MUC4: variants seen among roughly 807,000 people sequenced by gnomAD.
MUC4 encodes mucin 4, cell surface associated.
In MUC4, 202 loss-of-function variants were observed where a neutral mutation model predicts 257.9. That is an observed-to-expected ratio of 0.78 (90% CI 0.70 to 0.88). The LOEUF (loss-of-function observed/expected upper bound fraction) is 0.88. Among genes scored for constraint, MUC4 ranks in the 40% least tolerant of loss-of-function variants. The pLI, the probability that MUC4 is intolerant of heterozygous loss-of-function variation, is 0.00. For synonymous variants in MUC4, 2,351 were observed against 2,757.1 expected (o/e 0.85, Z 4.62); for missense variants, 5,976 against 6,513.7 (o/e 0.92, Z 2.84).
At position 195,764,112 on chromosome 3, in the gene MUC4, G is replaced by A; in HGVS notation, c.13977C>T (p.Tyr4659=). 1.2e-6 allele frequency: 2 copies of A among 1,602,216 alleles called. No homozygotes were observed. The highest frequency in any genetic ancestry group is 1.7e-6 in the Non-Finnish European group (2 of 1,174,930). Residue 4659 remains tyrosine, a synonymous_variant, in exon 11 of 25, where the codon TAC becomes TAT. Coordinates refer to ENST00000463781, the MANE Select transcript of MUC4 (RefSeq NM_018406.7). ...GCCTCTGCTGGTACAGGGCACAGAG[G>A]TAGGGCTTGTCATTCCAGCGGCAGC... ...SWCCRWNDKP[Y]LCALYQQRRP... is the part of the protein sequence containing the mutation.
In MUC4 at chr3:195,747,021, A is replaced by G. The variant is rs1715165494; in HGVS notation, c.*155T>C. On this transcript the variant is annotated 3_prime_UTR_variant, in exon 25 of 25. Transcript: ENST00000463781. ...GTGCACCTGCGCCTATGGATAAGGT[A>G]TAGTCTTGTCTTGATTCCCAGTATT... The G allele has an allele frequency of 5.5e-6, 6 of 1,093,978 alleles. No homozygotes were observed. Among genetic ancestry groups the G allele is most frequent in the South Asian group, 1.5e-5 (1 of 64,920 alleles). The allele number at this position is 1,093,978 out of a possible 1,614,324, so 67.8% of individuals were successfully genotyped here.
intron 16 of MUC4, 36 bp downstream of exon 16, chr3:195,760,848 C>A: frequency 1.9e-6 from 3 of 1,583,572 alleles, no homozygotes; most frequent in Non-Finnish European, 2.6e-6. Flanking sequence ...CTGCTCCCGA[C>A]TCTGAAAAGG....
chr3:195,761,376 G>T, intron 15 of MUC4, 108 bp downstream of exon 15: 1 of 995,776 alleles, frequency 1.0e-6, no homozygotes, highest in South Asian at 1.5e-5. Flanking sequence ...AGATTCCTCA[G>T]ACCTTAGGGA....
Position 195,748,959 on chromosome 3 carries a change from C to G in MUC4, c.15977G>C (p.Arg5326Thr). The G allele has an allele frequency of 6.2e-7, 1 of 1,607,822 alleles. No homozygotes were observed. Among genetic ancestry groups the G allele is most frequent in the Non-Finnish European group, 8.5e-7 (1 of 1,177,192 alleles). ...SGFTCVSPCS[R>T]GYCDHGGQCQ... is the part of the protein sequence containing the mutation. The stretch of plus-strand genomic sequence containing the variant: ...CTGGCCTCCATGGTCACAGTAGCCC[C>G]TACTGCACGGGGACACGCAGGTGAA... The change falls in exon 24 of 25, where the codon AGG (arginine) becomes ACG (threonine). Residue 5326 changes from arginine (R) to threonine (T), a missense_variant. Physicochemically the swap from Arg to Thr is moderately conservative, Grantham distance 71. Around this residue, in one of 44 missense-constraint regions of MUC4, gnomAD observed 310 missense variants for 242.1 expected, o/e 1.28. Transcript: ENST00000463781.
chr3:195,790,350 T>G lies in MUC4; in HGVS notation c.1230A>C (p.Thr410=), dbSNP rs1431406721. Reference sequence around the variant, plus strand: ...AAATGGTTCCACTTACAGATAGTGATGTCTCCTCTGTGTTTCCAAGAGTAG... The same window carrying G: ...AAATGGTTCCACTTACAGATAGTGAGGTCTCCTCTGTGTTTCCAAGAGTAG... The part of the protein sequence containing the change: ...RDSTLGNTEE[T]SLSVSGTISA... Residue 410 remains threonine (T), a synonymous_variant, in exon 2 of 25, where the codon ACA becomes ACC. Transcript: ENST00000463781. The G allele has an allele frequency of 1.9e-6, 3 of 1,613,792 alleles. No individual in the cohort carries two copies. The African/African-American group carries it at 4.0e-5, about 22-fold the overall frequency.
At chr3:195,753,987 C>T in intron 19 of MUC4, 1 of 533,858 alleles carries the variant, frequency 1.9e-6, no homozygotes, top group Non-Finnish European at 3.1e-6. Context: ...AACCTCTTCT[C>T]CTTCAGCCCC....
Position 195,757,229 on chromosome 3 carries a change from G to A in MUC4, c.15086C>T (p.Pro5029Leu). 1 of 1,613,774 alleles carries A rather than the reference G, an allele frequency of 6.2e-7. No homozygotes were observed. Among genetic ancestry groups the A allele is most frequent in the Non-Finnish European group, 8.5e-7 (1 of 1,179,680 alleles). The change falls in exon 18 of 25, where the codon CCC becomes CTC. Residue 5029 changes from proline to leucine, a missense_variant. Pro to Leu is a moderately conservative substitution (Grantham distance 98, BLOSUM62 -3). Transcript: ENST00000463781. The surrounding 1 kb of genome is among the most constrained non-coding windows in gnomAD (Gnocchi z 4.8). ...AKIGLASALQ[P>L]RTVVCHCNAE... ...ATTGCAATGGCAGACCACAGTCCTG[G>A]GCTGGAGTGCAGATGCCAAGCCAAT...
chr3:195,754,369 C>T lies in MUC4; in HGVS notation c.15172G>A (p.Ala5058Thr). ...SRVGNSSLEVAGCKCDGGTFG... is the reference protein window; with the variant it reads ...SRVGNSSLEVTGCKCDGGTFG... The stretch of plus-strand genomic sequence containing the variant: ...GTGCCCCCGTCACACTTGCAGCCAG[C>T]CACCTGGAGGAGGGTTGCCGATCAC... The change falls in exon 19 of 25, where the codon GCT becomes ACT. Residue 5058 changes from alanine (A) to threonine (T), a missense_variant. Physicochemically the swap from Ala to Thr is moderately conservative, Grantham distance 58. This residue lies in a region of MUC4 where 996 missense variants were observed against 1,137.3 expected (regional missense o/e 0.88). Transcript: ENST00000463781. The T allele has an allele frequency of 6.2e-7, 1 of 1,605,700 alleles. No homozygotes were observed. Among genetic ancestry groups the T allele is most frequent in the Non-Finnish European group, 8.5e-7 (1 of 1,176,070 alleles).
At chr3:195,769,658 G>C (rs1470334758) in intron 6 of MUC4, 2 of 163,310 alleles carry the variant, frequency 1.2e-5, no homozygotes, top group African/African-American at 4.8e-5. Flanking sequence ...AGTGACTTTA[G>C]ACCAGGCATA....
chr3:195,760,369 G>A (rs1049810697), intron 16 of MUC4, among the ~76,000 whole-genome samples: 2 of 152,176 alleles, frequency 1.3e-5, no homozygotes, highest in South Asian at 4.1e-4. Context: ...GGTATTCCAG[G>A]CAAGAGAACA....
intron 4 of MUC4, 24 bp from the exon 5 acceptor site, chr3:195,771,840 A>G: frequency 6.2e-7 from 1 of 1,610,082 alleles, no homozygotes; most frequent in Non-Finnish European, 8.5e-7. Flanking sequence ...TTTTGTGGTC[A>G]GCATTCAGGG....
intron 1 of MUC4, among the ~76,000 whole-genome samples, chr3:195,797,420 A>C (rs1253175749): frequency 1.3e-5 from 2 of 152,238 alleles, no homozygotes; most frequent in Non-Finnish European, 2.9e-5. Context: ...CAGATACAGG[A>C]AAGTTATTTG....
intron 17 of MUC4, among the ~76,000 whole-genome samples, chr3:195,758,028 C>T (rs1359856912): frequency 3.3e-5 from 5 of 152,196 alleles, no homozygotes; most frequent in African/African-American, 4.8e-5. Flanking sequence ...AAAGCAGTCC[C>T]TTCTGAGACA....
intron 3 of MUC4, 83 bp from the exon 4 acceptor site, chr3:195,774,388 G>A (rs1156340005): frequency 2.1e-6 from 3 of 1,441,476 alleles, no homozygotes; most frequent in South Asian, 3.0e-5. Context: ...AGCGCTCCCT[G>A]CAGGCTGCCC....
At chr3:195,767,562 T>TCATCACCACC (rs1721109851) in intron 7 of MUC4, among the ~76,000 whole-genome samples, 1 of 16,756 alleles carries the variant, frequency 6.0e-5, no homozygotes, top group Non-Finnish European at 1.0e-4. Flanking sequence ...CCATTACCAT[T>TCATCACCACC]GCCACCACCA....
At position 195,780,335 on chromosome 3, in the gene MUC4, TG is replaced by T. The variant is rs1726922476; in HGVS notation, c.11244del (p.Ser3749AlafsTer510). ...STGHVTPLPV[T>X]STSSASTGHA... ...TGACCTGTGGATGCTGAGGAAGTGC[TG>T]GTGACAGGAAGAGGGGTGACGTGAC... On this transcript the variant is annotated frameshift_variant, in exon 2 of 25. Coordinates refer to ENST00000463781, the MANE Select transcript of MUC4 (RefSeq NM_018406.7). LOFTEE classifies it high-confidence loss of function. 1 of 1,281,624 alleles carries T rather than the reference TG, an allele frequency of 7.8e-7. No individual in the cohort carries two copies. The allele number at this position is 1,281,624 out of a possible 1,614,324, so 79.4% of individuals were successfully genotyped here.
Position 195,781,430 on chromosome 3 carries a change from A to G in MUC4, c.10150T>C (p.Ser3384Pro). 1 of 1,531,762 alleles carries G rather than the reference A, an allele frequency of 6.5e-7. No individual in the cohort carries two copies. The allele number at this position is 1,531,762 out of a possible 1,614,324, so 94.9% of individuals were successfully genotyped here. The change falls in exon 2 of 25, where the codon TCG becomes CCG. Residue 3384 changes from serine (S) to proline (P), a missense_variant. Physicochemically the swap from Ser to Pro is moderately conservative, Grantham distance 74. Transcript: ENST00000463781. ...TTRLPVTDIS[S>P]ASTGQATPLP... ...GGGGTGGCCTGACCTGTGGATGCCG[A>G]GGAAATGTCGGTGACAGGAAGACGG...
rs1214713471 is a variant in MUC4, at chr3:195,789,798, T to C, written c.1782A>G (p.Thr594=). The C allele has an allele frequency of 6.2e-6, 10 of 1,614,030 alleles. No individual in the cohort carries two copies. The highest frequency in any genetic ancestry group is 2.2e-5 in the South Asian group (2 of 91,082). ...YSVTQMIKTA[T]SPSSSPMLDR... is the part of the protein sequence containing the mutation. ...CCAGCATAGGTGAAGAAGATGGGGATGTGGCCGTTTTTATCATCTGAGTCA... is the reference window on the plus strand; with the variant it reads ...CCAGCATAGGTGAAGAAGATGGGGACGTGGCCGTTTTTATCATCTGAGTCA... Residue 594 remains threonine, a synonymous_variant, in exon 2 of 25, where the codon ACA becomes ACG. Transcript: ENST00000463781.
rs766330135 is a variant in MUC4, at chr3:195,762,157, C to T, written c.14442G>A (p.Ala4814=). 1 of 1,602,158 alleles carries T rather than the reference C, an allele frequency of 6.2e-7. No homozygotes were observed. The highest frequency in any genetic ancestry group is 8.5e-7 in the Non-Finnish European group (1 of 1,175,388). The change falls in exon 14 of 25, where the codon GCG becomes GCA. Residue 4814 remains alanine (A), a synonymous_variant. Transcript: ENST00000463781. ...CGGAGGCGTGGAGGATGTTGGAGAGCGCGATCACCGAGACGGTGGCCCAGC... is the reference window on the plus strand; with the variant it reads ...CGGAGGCGTGGAGGATGTTGGAGAGTGCGATCACCGAGACGGTGGCCCAGC... The part of the protein sequence containing the change: ...FDGWATVSVI[A]LSNILHASAS...
Sources: allele counts gnomAD v4.1 joint callset (sites outside exome capture counted in the v4.1 genomes callset), GRCh38; gene constraint gnomAD v4.1.1; regional missense constraint gnomAD v4.1.1; non-coding constraint Gnocchi (gnomAD v3.1); transcripts MANE v1.5; gene names NCBI Gene and HGNC (gene_info 2026-07-23, HGNC 2026-07-21).